Variants in FOLH1 observed in about 807,000 individuals in gnomAD.
FOLH1 encodes glutamate carboxypeptidase 2.
Under a neutral mutation model 93.9 loss-of-function variants are expected in FOLH1, and 54 were observed. That is an observed-to-expected ratio of 0.57 (90% CI 0.46 to 0.72). The LOEUF (loss-of-function observed/expected upper bound fraction) is 0.72, where lower values mean the gene tolerates loss of function less well. Among genes scored for constraint, FOLH1 ranks in the 30% least tolerant of loss-of-function variants. FOLH1 has a pLI of 0.00. For missense variants in FOLH1, 571 were observed against 892.5 expected, an observed-to-expected ratio of 0.64 and a Z score of 4.59; for synonymous variants, 249 against 303.6, an observed-to-expected ratio of 0.82 and a Z score of 1.87.
chr11:49,204,974 G>A (rs2135343804), intron 2 of FOLH1, among the ~76,000 whole-genome samples: 1 of 152,266 alleles, frequency 6.6e-6, no homozygotes, highest in East Asian at 1.9e-4. Flanking sequence ...ACTTTGGGAA[G>A]CCGAGGCGGG....
rs370984195 is a variant in FOLH1 at position 49,159,975 on chromosome 11, T to G, written c.1441-1932A>C. On this transcript the variant is annotated intron_variant, in intron 13 of 18. Transcript: ENST00000256999. ...TCTTGCACTGTCACCTGAGCTAGAG[T>G]GCAATTGCGCGATCTCTGCTCACTG... 1.4e-4 allele frequency among the ~76,000 whole-genome samples: 21 copies of G among 152,046 alleles called. No homozygotes were observed. The East Asian group carries it at 2.3e-3, about 17-fold the overall frequency.
At chr11:49,185,991 G>A in intron 5 of FOLH1, 136 bp from the exon 6 acceptor site, 3 of 1,121,926 alleles carry the variant, frequency 2.7e-6, no homozygotes, top group Non-Finnish European at 3.5e-6. Flanking sequence ...TACAACAAAG[G>A]ACATCTCGGA....
chr11:49,177,216 CTCTT>C (rs1860160943), intron 7 of FOLH1, among the ~76,000 whole-genome samples: 2 of 152,214 alleles, frequency 1.3e-5, no homozygotes, highest in Admixed American at 1.3e-4. Context: ...TAATTCCTCT[CTCTT>C]TTCCCTTTTT....
intron 13 of FOLH1, among the ~76,000 whole-genome samples, chr11:49,161,876 C>T (rs766222397): frequency 6.6e-5 from 10 of 152,180 alleles, no homozygotes; most frequent in Non-Finnish European, 1.3e-4. Flanking sequence ...TTCTCCTTCA[C>T]GTATAAAGCT....
rs980909593 is a variant in FOLH1, at chr11:49,173,638, A to G, written c.1106-162T>C. ...AAAATATGTTATTTCTGATTTTAATATGTGTTTCTTCTATCTGAGAAAGCA... is the reference window on the plus strand; with the variant it reads ...AAAATATGTTATTTCTGATTTTAATGTGTGTTTCTTCTATCTGAGAAAGCA... On this transcript the variant is annotated intron_variant, in intron 9 of 18. Coordinates refer to ENST00000256999, the MANE Select transcript of FOLH1 (RefSeq NM_004476.3). Among the ~76,000 whole-genome samples the G allele has an allele frequency of 1.2e-4, 18 of 151,984 alleles. No homozygotes were observed. In the South Asian group the frequency reaches 1.2e-3, roughly 11 times the overall value.
intron 13 of FOLH1, among the ~76,000 whole-genome samples, chr11:49,163,751 C>G (rs1858037777): frequency 6.6e-6 from 1 of 152,034 alleles, no homozygotes; most frequent in African/African-American, 2.4e-5. Flanking sequence ...TCTAAAGCTC[C>G]TGTGTCTCTG....
chr11:49,161,079 G>A (rs1427782839), intron 13 of FOLH1, among the ~76,000 whole-genome samples: 2 of 152,130 alleles, frequency 1.3e-5, no homozygotes, highest in Non-Finnish European at 2.9e-5. Flanking sequence ...AGTGCCATGG[G>A]CTGATGAGAA....
chr11:49,172,576 A>G (rs1423861087), intron 10 of FOLH1, among the ~76,000 whole-genome samples: 2 of 152,184 alleles, frequency 1.3e-5, no homozygotes, highest in Non-Finnish European at 2.9e-5. Context: ...TTCAAAGAAG[A>G]TAGGACATAT....
chr11:49,200,786 T>G (rs940400385), intron 2 of FOLH1, among the ~76,000 whole-genome samples: 1 of 152,136 alleles, frequency 6.6e-6, no homozygotes, highest in Non-Finnish European at 1.5e-5. Context: ...TGTAAAATAT[T>G]GAAACAGACA....
chr11:49,181,314 G>A (rs1019161508), intron 7 of FOLH1, among the ~76,000 whole-genome samples: 3 of 151,958 alleles, frequency 2.0e-5, no homozygotes, highest in African/African-American at 7.3e-5. Context: ...CACTGACCAT[G>A]TTGGCGAGGA....
At chr11:49,196,062 G>A (rs202696) in intron 3 of FOLH1, among the ~76,000 whole-genome samples, 27,421 of 151,818 alleles carry the variant, frequency 0.18, 2,832 homozygotes, top group African/African-American at 0.28. Context: ...GCTGAGGTGG[G>A]AGAATTGCTT....
chr11:49,156,606 C>A, intron 15 of FOLH1, 111 bp downstream of exon 15: 1 of 988,704 alleles, frequency 1.0e-6, no homozygotes, highest in Non-Finnish European at 1.5e-6. Context: ...TCTCCCTCTG[C>A]TTTCAAATTT....
chr11:49,173,830 G>C (rs951297385), intron 9 of FOLH1, among the ~76,000 whole-genome samples: 4 of 152,080 alleles, frequency 2.6e-5, no homozygotes. Flanking sequence ...AGAGAACATA[G>C]TGGCCACATA....
intron 7 of FOLH1, among the ~76,000 whole-genome samples, chr11:49,180,263 C>T (rs1445724844): frequency 5.3e-5 from 8 of 152,180 alleles, no homozygotes; most frequent in Non-Finnish European, 1.2e-4. Context: ...GCGTAATTAG[C>T]CCTCCATGCA....
chr11:49,159,076 A>G (rs1389297426), intron 13 of FOLH1, among the ~76,000 whole-genome samples: 4 of 152,204 alleles, frequency 2.6e-5, no homozygotes, highest in Admixed American at 2.6e-4. Flanking sequence ...TCATCTGCAA[A>G]CAGGGATAGT....
intron 18 of FOLH1, 61 bp from the exon 19 acceptor site, chr11:49,147,006 G>T: frequency 6.5e-7 from 1 of 1,547,396 alleles, no homozygotes. Context: ...AGAAACACAA[G>T]AGCACTCTGC....
At chr11:49,206,351 A>G (rs747368420) in intron 1 of FOLH1, 179 bp from the exon 2 acceptor site, 10 of 1,053,740 alleles carry the variant, frequency 9.5e-6, no homozygotes, top group Admixed American at 6.1e-5. Context: ...GAGTCATGCA[A>G]ACAGATTTTT....
At chr11:49,190,994 T>C (rs761136361) in intron 4 of FOLH1, among the ~76,000 whole-genome samples, 12 of 152,200 alleles carry the variant, frequency 7.9e-5, no homozygotes, top group African/African-American at 1.7e-4. Context: ...CTGAAATGTA[T>C]TGAGCAGTGA....
chr11:49,148,655 C>T lies in FOLH1; in HGVS notation c.2047G>A (p.Asp683Asn). Reference sequence around the variant, plus strand: ...TTTTCTTACCTATAAAAAGGCCTGTCTGGTAACCCTAATGGATCAATAAAT... The same window carrying T: ...TTTTCTTACCTATAAAAAGGCCTGTTTGGTAACCCTAATGGATCAATAAAT... ...RAFIDPLGLP[D>N]RPFYRHVIYA... Residue 683 changes from aspartate (D) to asparagine (N), a missense_variant, in exon 18 of 19, where the codon GAC becomes AAC. Around this residue, in one of 2 missense-constraint regions of FOLH1, gnomAD observed 500 missense variants for 822.9 expected, o/e 0.61. Coordinates refer to ENST00000256999, the MANE Select transcript of FOLH1 (RefSeq NM_004476.3). The T allele has an allele frequency of 1.0e-5, 16 of 1,600,522 alleles. No homozygotes were observed. The highest frequency in any genetic ancestry group is 1.4e-5 in the Non-Finnish European group (16 of 1,175,160).
Sources: gnomAD v4.1 joint callset for allele counts (sites outside exome capture counted in the v4.1 genomes callset) on GRCh38, gnomAD v4.1.1 for gene constraint, gnomAD v4.1.1 regional missense constraint, MANE v1.5 for transcripts, NCBI Gene and HGNC (gene_info 2026-07-23, HGNC 2026-07-21) for gene names.